The following LRRIQ1 variants were observed in gnomAD, a reference collection of about 807,000 sequenced individuals.
LRRIQ1 encodes the protein leucine-rich repeat- and IQ domain-containing protein 1.
In LRRIQ1, 210 loss-of-function variants were observed where a neutral mutation model predicts 211.9. The ratio of observed to expected loss-of-function variants is 0.99; its 90% CI spans 0.89 to 1.11. The LOEUF (loss-of-function observed/expected upper bound fraction) is 1.11. Ranked by LOEUF, LRRIQ1 falls within the 50% of genes most tolerant of loss-of-function variation. The pLI, the probability that LRRIQ1 is intolerant of heterozygous loss-of-function variation, is 0.00. For synonymous variants in LRRIQ1, 699 were observed against 650.1 expected (o/e 1.08, Z -1.14); for missense variants, 2,136 against 1,939.5 (o/e 1.10, Z -1.90).
At chr12:85,195,853 G>A (rs1028192977) in intron 24 of LRRIQ1, among the ~76,000 whole-genome samples, 2 of 152,058 alleles carry the variant, frequency 1.3e-5, no homozygotes, top group African/African-American at 4.8e-5. Context: ...AGGAAATAGA[G>A]GGTATTCAAT....
At chr12:85,206,407 C>T (rs1283410468) in intron 24 of LRRIQ1, among the ~76,000 whole-genome samples, 1 of 152,140 alleles carries the variant, frequency 6.6e-6, no homozygotes, top group East Asian at 1.9e-4. Flanking sequence ...GGCAGGGCCA[C>T]TGGTGTCTGT....
In LRRIQ1 at chr12:85,152,525, A is replaced by G. The variant is rs529962360; in HGVS notation, c.4419+156A>G. ...TCCTCATCCCCAGATGTAATTTTTC[A>G]TGTAGCTTTTCTTTCATTTGCTCCT... On this transcript the variant is annotated intron_variant, in intron 20 of 26. Coordinates refer to ENST00000393217, the MANE Select transcript of LRRIQ1 (RefSeq NM_001079910.2). Among the ~76,000 whole-genome samples the G allele has an allele frequency of 2.0e-5, 3 of 151,818 alleles. No individual in the cohort carries two copies. In the South Asian group the frequency reaches 6.2e-4, roughly 31 times the overall value.
chr12:85,133,752 G>A (rs1202559531), intron 18 of LRRIQ1, among the ~76,000 whole-genome samples: 1 of 152,072 alleles, frequency 6.6e-6, no homozygotes, highest in African/African-American at 2.4e-5. Context: ...AGTAGGGTAG[G>A]TAACTATACC....
chr12:85,181,024 G>A (rs187545215), intron 24 of LRRIQ1, among the ~76,000 whole-genome samples: 1 of 136,240 alleles, frequency 7.3e-6, no homozygotes, highest in East Asian at 2.1e-4. Context: ...TTGATAAGCA[G>A]GTTTAATCCA....
chr12:85,167,785 C>T (rs146910255), intron 24 of LRRIQ1, among the ~76,000 whole-genome samples: 37 of 152,294 alleles, frequency 2.4e-4, no homozygotes, highest in African/African-American at 7.7e-4. Context: ...TTAACCATCA[C>T]AAGTCCACCC....
Position 85,127,980 on chromosome 12 carries a change from G to T in LRRIQ1, c.4156G>T (p.Glu1386Ter), listed in dbSNP as rs376915402. Residue 1386 changes from glutamate to a stop codon, truncating the protein, a stop_gained, in exon 18 of 27, where the codon GAA (glutamate) becomes TAA (stop). Coordinates refer to ENST00000393217, the MANE Select transcript of LRRIQ1 (RefSeq NM_001079910.2). LOFTEE classifies it high-confidence loss of function. ...NQTILKKGKR[E>*]NIVNIRKQRE... ...GACTATTTTAAAGAAAGGAAAAAGA[G>T]AAAATATTGTGAATATCCGAAAACA... The T allele has an allele frequency of 1.7e-5, 27 of 1,613,556 alleles. No homozygotes were observed. The highest frequency in any genetic ancestry group is 2.0e-5 in the Non-Finnish European group (24 of 1,179,648).
Position 85,081,455 on chromosome 12 carries a change from T to C in LRRIQ1, c.2887+8357T>C, listed in dbSNP as rs957560332. Among the ~76,000 whole-genome samples the C allele has an allele frequency of 6.6e-5, 10 of 151,884 alleles. 1 individual carries two copies. Among genetic ancestry groups the C allele is most frequent in the Admixed American group, 5.9e-4 (9 of 15,244 alleles). ...TGTCTTCTTTTGGATTGGCTTTTTT[T>C]TTTGTCATTTCTTGTTTTATTCATG... On this transcript the variant is annotated intron_variant, in intron 11 of 26. Coordinates refer to ENST00000393217, the MANE Select transcript of LRRIQ1 (RefSeq NM_001079910.2).
At chr12:85,040,896 A>G (rs1214539392) in intron 3 of LRRIQ1, among the ~76,000 whole-genome samples, 1 of 151,538 alleles carries the variant, frequency 6.6e-6, no homozygotes, top group Non-Finnish European at 1.5e-5. Flanking sequence ...TAATCAAGAG[A>G]ATTTTTTTGG....
At chr12:85,237,889 T>TA (rs1167442476) in intron 26 of LRRIQ1, among the ~76,000 whole-genome samples, 2 of 151,976 alleles carry the variant, frequency 1.3e-5, no homozygotes, top group African/African-American at 2.4e-5. Flanking sequence ...CAGTGTGCAG[T>TA]AAAAAATTGC....
intron 10 of LRRIQ1, among the ~76,000 whole-genome samples, chr12:85,069,609 C>T (rs1254362947): frequency 6.6e-6 from 1 of 151,628 alleles, no homozygotes; most frequent in Non-Finnish European, 1.5e-5. Context: ...CTTGTTGTTT[C>T]CTGACTTTTT....
At chr12:85,129,114 A>C (rs1466389590) in intron 18 of LRRIQ1, among the ~76,000 whole-genome samples, 2 of 152,188 alleles carry the variant, frequency 1.3e-5, no homozygotes, top group East Asian at 3.8e-4. Context: ...TGGTCCCCAC[A>C]GGCAGTTCAC....
chr12:85,258,956 A>G (rs1163801710), intron 1 of LRRIQ1, among the ~76,000 whole-genome samples: 2 of 151,990 alleles, frequency 1.3e-5, no homozygotes, highest in East Asian at 3.9e-4. Context: ...ATCAAAACAC[A>G]ACATATATAT....
chr12:85,178,418 C>G (rs1891821872), intron 24 of LRRIQ1, among the ~76,000 whole-genome samples: 1 of 151,986 alleles, frequency 6.6e-6, no homozygotes, highest in African/African-American at 2.4e-5. Flanking sequence ...GTCTTTATGC[C>G]CCACCTTTAG....
intron 8 of LRRIQ1, among the ~76,000 whole-genome samples, chr12:85,061,255 C>G (rs151257082): frequency 2.0e-5 from 3 of 151,730 alleles, no homozygotes; most frequent in East Asian, 3.9e-4. Flanking sequence ...ACCTTAATTT[C>G]GAAGCATAAA....
At chr12:85,053,157 C>T (rs1432763639) in intron 7 of LRRIQ1, among the ~76,000 whole-genome samples, 1 of 151,412 alleles carries the variant, frequency 6.6e-6, no homozygotes, top group Non-Finnish European at 1.5e-5. Context: ...AAAAAAATTG[C>T]AAGAAGAGGA....
At chr12:85,231,872 T>C (rs1043993289) in intron 25 of LRRIQ1, among the ~76,000 whole-genome samples, 30 of 152,106 alleles carry the variant, frequency 2.0e-4, no homozygotes, top group African/African-American at 7.0e-4. Context: ...GGGGATCAAA[T>C]TTCAACATGA....
At chr12:85,245,488 T>C (rs2137279961), downstream of LRRIQ1, among the ~76,000 whole-genome samples, 1 of 144,266 alleles carries the variant, frequency 6.9e-6, no homozygotes, top group Non-Finnish European at 1.5e-5. Context: ...AATATACATA[T>C]ATATTAAATA....
intron 11 of LRRIQ1, among the ~76,000 whole-genome samples, chr12:85,093,089 T>C (rs1885552139): frequency 6.6e-6 from 1 of 152,122 alleles, no homozygotes; most frequent in African/African-American, 2.4e-5. Flanking sequence ...GTAACAATAC[T>C]TGTCTTTATG....
Position 85,153,162 on chromosome 12 carries a change from T to C in LRRIQ1, c.4541+17T>C. On this transcript the variant is annotated intron_variant, in intron 21 of 26. Transcript: ENST00000393217. ...TAATAGCAGGTAAGCTAAACTATTGTTTTAGAGAATCAACTTGTGAATGAC... is the reference window on the plus strand; with the variant it reads ...TAATAGCAGGTAAGCTAAACTATTGCTTTAGAGAATCAACTTGTGAATGAC... The C allele has an allele frequency of 6.4e-7, 1 of 1,574,200 alleles. No individual in the cohort carries two copies. The highest frequency in any genetic ancestry group is 1.4e-5 in the African/African-American group (1 of 72,722).
Sources: allele counts gnomAD v4.1 joint callset (sites outside exome capture counted in the v4.1 genomes callset), GRCh38; gene constraint gnomAD v4.1.1; transcripts MANE v1.5; gene names NCBI Gene and HGNC (gene_info 2026-07-23, HGNC 2026-07-21).